Variants in SLC22A25 observed in about 807,000 individuals in gnomAD.
SLC22A25 encodes the protein MGI:2442751, MGI:2385316, MGI:3042283, MGI:3645714, MGI:3605624, MGI:2442750.
SLC22A25 carries 44 observed loss-of-function variants against 45.9 expected under a neutral mutation model. That is an observed-to-expected ratio of 0.96 (90% CI 0.75 to 1.23). The LOEUF is 1.23. Ranked by LOEUF, SLC22A25 falls within the 50% of genes most tolerant of loss-of-function variation. The probability of loss-of-function intolerance (pLI) is 0.00; values close to 1 mark genes in which losing one functional copy is unlikely to be tolerated. For synonymous variants in SLC22A25, 283 were observed against 238.6 expected (o/e 1.19, Z -1.72); for missense variants, 800 against 666.4 (o/e 1.20, Z -2.21).
chr11:63,179,576 T>C (rs1043459072), intron 9 of SLC22A25, among the ~76,000 whole-genome samples: 2 of 152,144 alleles, frequency 1.3e-5, no homozygotes, highest in Non-Finnish European at 2.9e-5. Flanking sequence ...TGCCATACCA[T>C]GAGTCCTCTG....
chr11:63,183,737 T>TGTGC lies in SLC22A25; in HGVS notation c.907_910dup (p.His304ArgfsTer10), dbSNP rs768670593. The TGTGC allele has an allele frequency of 6.2e-7, 1 of 1,613,282 alleles. No individual in the cohort carries two copies. Among genetic ancestry groups the TGTGC allele is most frequent in the East Asian group, 2.2e-5 (1 of 44,878 alleles). On this transcript the variant is annotated frameshift_variant, in exon 8 of 12. Coordinates refer to ENST00000306494, the MANE Select transcript of SLC22A25 (RefSeq NM_199352.6). LOFTEE classifies it high-confidence loss of function. ...TTCAGCATTCTTCATTCCATTCCTG[T>TGTGC]GTGCAGCTTTTCTAAGTTCCTTTAA...
chr11:63,187,494 G>T (rs1014628418), intron 7 of SLC22A25, among the ~76,000 whole-genome samples: 2 of 152,178 alleles, frequency 1.3e-5, no homozygotes, highest in African/African-American at 2.4e-5. Flanking sequence ...TCTGCAAAGA[G>T]GGACAATTTG....
At chr11:63,219,570 A>T (rs1409783988) in intron 5 of SLC22A25, among the ~76,000 whole-genome samples, 1 of 152,168 alleles carries the variant, frequency 6.6e-6, no homozygotes, top group Non-Finnish European at 1.5e-5. Context: ...GAAATTCTAC[A>T]GTATTTCTAG....
chr11:63,199,144 A>G (rs912296609), intron 7 of SLC22A25, among the ~76,000 whole-genome samples: 2 of 151,980 alleles, frequency 1.3e-5, no homozygotes, highest in African/African-American at 2.4e-5. Flanking sequence ...TAATATATAT[A>G]TAGATCCCTA....
intron 7 of SLC22A25, among the ~76,000 whole-genome samples, chr11:63,200,108 C>G (rs561303660): frequency 1.2e-4 from 18 of 152,064 alleles, no homozygotes; most frequent in African/African-American, 4.1e-4. Context: ...CCTACCAAAA[C>G]TATTCCAAAA....
At chr11:63,189,313 C>G (rs548960024) in intron 7 of SLC22A25, among the ~76,000 whole-genome samples, 39 of 152,252 alleles carry the variant, frequency 2.6e-4, no homozygotes, top group African/African-American at 8.7e-4. Context: ...CCTTCTTTGT[C>G]TCTTTTGATC....
At chr11:63,223,665 A>G (rs1037109098) in intron 5 of SLC22A25, among the ~76,000 whole-genome samples, 1 of 151,454 alleles carries the variant, frequency 6.6e-6, no homozygotes, top group African/African-American at 2.4e-5. Flanking sequence ...TTTTGATTTA[A>G]TATGCTCTTG....
rs372950234 is a variant in SLC22A25 at position 63,229,547 on chromosome 11, G to A, written c.106C>T (p.Gln36Ter). 2 of 1,613,966 alleles carry A rather than the reference G, an allele frequency of 1.2e-6. No homozygotes were observed. The highest frequency in any genetic ancestry group is 1.7e-6 in the Non-Finnish European group (2 of 1,179,992). ...ATGAATGCTGCGAAGTTCTCCAGCT[G>A]AGTTTGATGGTATACTATGACGTTG... is the stretch of plus-strand genomic sequence containing the variant. The part of the protein sequence containing the change: ...MFNVIVYHQT[Q>*]LENFAAFILD... The change falls in exon 4 of 12, where the codon CAG becomes TAG. Residue 36 changes from glutamine (Q) to a stop codon, truncating the protein, a stop_gained. Transcript: ENST00000306494. LOFTEE classifies it high-confidence loss of function.
rs73501603 is a variant in SLC22A25 at position 63,223,071 on chromosome 11, A to G, written c.507-5336T>C. Among the ~76,000 whole-genome samples the G allele has an allele frequency of 8.4e-3, 1,281 of 151,994 alleles. 28 individuals carry two copies. The highest frequency in any genetic ancestry group is 0.029 in the African/African-American group (1,218 of 41,500). ...TTTTTCATCAATGTTCTTCAGGCATATTGGCCTGTAGTTTTCTTTTTTTTG... is the reference window on the plus strand; with the variant it reads ...TTTTTCATCAATGTTCTTCAGGCATGTTGGCCTGTAGTTTTCTTTTTTTTG... On this transcript the variant is annotated intron_variant, in intron 5 of 11. Transcript: ENST00000306494.
intron 7 of SLC22A25, among the ~76,000 whole-genome samples, chr11:63,195,240 TG>T (rs1402110356): frequency 3.9e-5 from 6 of 152,124 alleles, no homozygotes; most frequent in African/African-American, 9.7e-5. Flanking sequence ...AACTCAGCTC[TG>T]CACCAAGTGG....
chr11:63,215,490 G>A (rs1255084353), intron 7 of SLC22A25, among the ~76,000 whole-genome samples: 1 of 152,150 alleles, frequency 6.6e-6, no homozygotes, highest in Non-Finnish European at 1.5e-5. Flanking sequence ...TCAATGGTGG[G>A]TTGATGGGTG....
intron 9 of SLC22A25, among the ~76,000 whole-genome samples, chr11:63,179,664 C>A (rs2088247808): frequency 6.6e-6 from 1 of 152,080 alleles, no homozygotes; most frequent in Non-Finnish European, 1.5e-5. Flanking sequence ...GTCCTACTGG[C>A]ATAATGGTTG....
chr11:63,238,788 T>G lies in SLC22A25; in HGVS notation c.-648A>C. 1 of 234,136 alleles carries G rather than the reference T, an allele frequency of 4.3e-6. No individual in the cohort carries two copies. The highest frequency in any genetic ancestry group is 1.1e-4 in the East Asian group (1 of 9,368). 14.5% of individuals were successfully genotyped at this position (234,136 alleles called of 1,614,324 possible). On this transcript the variant is annotated 5_prime_UTR_variant, in exon 2 of 12. Coordinates refer to ENST00000306494, the MANE Select transcript of SLC22A25 (RefSeq NM_199352.6). ...TGTCCACACACGGTTCCATGTCTGGTTCATTCATATTGAGGAATGTCCCAT... is the reference window on the plus strand; with the variant it reads ...TGTCCACACACGGTTCCATGTCTGGGTCATTCATATTGAGGAATGTCCCAT...
intron 7 of SLC22A25, among the ~76,000 whole-genome samples, chr11:63,201,099 T>C (rs1278169930): frequency 6.6e-6 from 1 of 152,192 alleles, no homozygotes; most frequent in Non-Finnish European, 1.5e-5. Context: ...ATAGATTCAA[T>C]GCTATTCCTA....
chr11:63,218,076 C>A, intron 5 of SLC22A25: 1 of 492,898 alleles, frequency 2.0e-6, no homozygotes, highest in Non-Finnish European at 4.0e-6. Context: ...GATACACGCA[C>A]TCACATGTTC....
At position 63,229,648 on chromosome 11, in the gene SLC22A25, G is replaced by C. The variant is rs1054558513; in HGVS notation, c.5C>G (p.Ala2Gly). 2 of 1,599,178 alleles carry C rather than the reference G, an allele frequency of 1.3e-6. No individual in the cohort carries two copies. The change falls in exon 4 of 12, where the codon GCC becomes GGC. Residue 2 changes from alanine (A) to glycine (G), a missense_variant. Transcript: ENST00000306494. ...AACTTGATCTAGGAGGTCCTGAAAGGCCATTGAGGCTGGACAAGTGATCCC... is the reference window on the plus strand; with the variant it reads ...AACTTGATCTAGGAGGTCCTGAAAGCCCATTGAGGCTGGACAAGTGATCCC... M[A>G]FQDLLDQVGG...
At chr11:63,190,416 C>T (rs74666573) in intron 7 of SLC22A25, among the ~76,000 whole-genome samples, 2 of 152,148 alleles carry the variant, frequency 1.3e-5, no homozygotes, top group Non-Finnish European at 2.9e-5. Flanking sequence ...AAGGACTTCT[C>T]TGCATTGGTT....
At chr11:63,182,217 C>T (rs1449154145) in intron 8 of SLC22A25, among the ~76,000 whole-genome samples, 2 of 152,066 alleles carry the variant, frequency 1.3e-5, no homozygotes, top group Admixed American at 1.3e-4. Flanking sequence ...TTTTGAGCAA[C>T]ACTGGCCTTC....
intron 10 of SLC22A25, among the ~76,000 whole-genome samples, chr11:63,165,787 A>G (rs1365533092): frequency 6.6e-6 from 1 of 152,220 alleles, no homozygotes; most frequent in Non-Finnish European, 1.5e-5. Context: ...ACTATCAGGA[A>G]TAAATGGCAC....
Sources: gnomAD v4.1 joint callset for allele counts (sites outside exome capture counted in the v4.1 genomes callset) on GRCh38, gnomAD v4.1.1 for gene constraint, MANE v1.5 for transcripts, NCBI Gene and HGNC (gene_info 2026-07-23, HGNC 2026-07-21) for gene names.